Variants in ANKRD22 observed in about 807,000 individuals in gnomAD.
ANKRD22 encodes ankyrin repeat domain-containing protein 22.
Under a neutral mutation model 25.7 loss-of-function variants are expected in ANKRD22, and 24 were observed. That is an observed-to-expected ratio of 0.93 (90% CI 0.68 to 1.31). The LOEUF is 1.31. Ranked by LOEUF, ANKRD22 falls within the 50% of genes most tolerant of loss-of-function variation. ANKRD22 has a pLI of 0.00. For missense variants in ANKRD22, 214 were observed against 227.1 expected (o/e 0.94, Z 0.37); for synonymous variants, 84 against 84.3 (o/e 1.00, Z 0.02).
intron 1 of ANKRD22, among the ~76,000 whole-genome samples, chr10:88,849,940 C>G (rs1394655569): frequency 6.6e-6 from 1 of 151,630 alleles, no homozygotes; most frequent in African/African-American, 2.4e-5. Flanking sequence ...CTGCAAAGCT[C>G]TAAGGAAAAA....
chr10:88,842,617 G>T (rs1299099511), intron 1 of ANKRD22, among the ~76,000 whole-genome samples: 1 of 152,118 alleles, frequency 6.6e-6, no homozygotes, highest in Non-Finnish European at 1.5e-5. Context: ...GTACATAATA[G>T]CATTCATCAC....
At chr10:88,847,116 C>T (rs79033878) in intron 1 of ANKRD22, among the ~76,000 whole-genome samples, 4,009 of 152,240 alleles carry the variant, frequency 0.026, 120 homozygotes, top group East Asian at 0.17. Flanking sequence ...GATCCACTTT[C>T]TCAATACACA....
chr10:88,827,843 A>G (rs1171174508), intron 3 of ANKRD22, among the ~76,000 whole-genome samples: 1 of 152,240 alleles, frequency 6.6e-6, no homozygotes, highest in Non-Finnish European at 1.5e-5. Context: ...TAAATTATGC[A>G]TCTCTTGAGT....
intron 1 of ANKRD22, among the ~76,000 whole-genome samples, chr10:88,850,356 G>C (rs1298406883): frequency 1.3e-5 from 2 of 151,672 alleles, no homozygotes; most frequent in African/African-American, 4.8e-5. Flanking sequence ...GTCCCACCCA[G>C]GTCTACAAAC....
chr10:88,831,658 C>T (rs140340631), intron 2 of ANKRD22, among the ~76,000 whole-genome samples, 177 bp downstream of exon 2: 60 of 152,270 alleles, frequency 3.9e-4, no homozygotes, highest in African/African-American at 1.4e-3. Context: ...TTTTATTTTG[C>T]TGTTTAGCCT....
At position 88,842,867 on chromosome 10, in the gene ANKRD22, G is replaced by A. The variant is rs142594160; in HGVS notation, c.21+8720C>T. On this transcript the variant is annotated intron_variant, in intron 1 of 5. Coordinates refer to ENST00000371930, the MANE Select transcript of ANKRD22 (RefSeq NM_144590.3). ...GACATAGTGTTATGAATTGTTACTT[G>A]CCAATTCTTGCTTACAGGAAATTTT... Among the ~76,000 whole-genome samples, 932 of 152,178 alleles carry A rather than the reference G, an allele frequency of 6.1e-3. 10 individuals carry two copies. Among genetic ancestry groups the A allele is most frequent in the African/African-American group, 0.021 (860 of 41,528 alleles).
chr10:88,830,188 A>G (rs1589323959), intron 2 of ANKRD22, among the ~76,000 whole-genome samples: 1 of 152,206 alleles, frequency 6.6e-6, no homozygotes, highest in East Asian at 1.9e-4. Context: ...CTTTGCCTAC[A>G]TTTCTAAAAA....
chr10:88,831,770 T>C (rs1385132395), intron 2 of ANKRD22, 65 bp downstream of exon 2: 5 of 1,459,312 alleles, frequency 3.4e-6, no homozygotes, highest in Middle Eastern at 1.8e-4. Context: ...GCACCACTTC[T>C]AGTGATTCAA....
intron 1 of ANKRD22, among the ~76,000 whole-genome samples, chr10:88,838,358 A>T (rs148658148): frequency 1.3e-5 from 2 of 152,310 alleles, no homozygotes; most frequent in East Asian, 3.9e-4. Context: ...TTACCATTAA[A>T]TTCAGTCTTA....
In ANKRD22 at chr10:88,821,987, A is replaced by T. The variant is rs1843800874; in HGVS notation, c.*954T>A. ...AACTTTATCCAAATAAGTTACAATAATATTTTACATCTATCAATAAAATAA... is the reference window on the plus strand; with the variant it reads ...AACTTTATCCAAATAAGTTACAATATTATTTTACATCTATCAATAAAATAA... On this transcript the variant is annotated 3_prime_UTR_variant, in exon 6 of 6. Coordinates refer to ENST00000371930, the MANE Select transcript of ANKRD22 (RefSeq NM_144590.3). 6.6e-6 allele frequency: 1 copy of T among 152,238 alleles called. No homozygotes were observed. The highest frequency in any genetic ancestry group is 2.1e-4 in the South Asian group (1 of 4,836). The allele number at this position is 152,238 out of a possible 1,614,324, so 9.4% of individuals were successfully genotyped here.
At chr10:88,834,251 G>A (rs1461091541) in intron 1 of ANKRD22, among the ~76,000 whole-genome samples, 3 of 152,146 alleles carry the variant, frequency 2.0e-5, no homozygotes, top group Non-Finnish European at 4.4e-5. Context: ...TCAATTAAAT[G>A]TATTTAAAAC....
chr10:88,843,428 T>C (rs1291601544), intron 1 of ANKRD22, among the ~76,000 whole-genome samples: 2 of 152,148 alleles, frequency 1.3e-5, no homozygotes, highest in African/African-American at 2.4e-5. Context: ...CTTAAGCATG[T>C]TGGGAGAAAA....
intron 1 of ANKRD22, among the ~76,000 whole-genome samples, chr10:88,841,144 G>C (rs1038244828): frequency 6.6e-6 from 1 of 152,096 alleles, no homozygotes; most frequent in Non-Finnish European, 1.5e-5. Context: ...TCTGACTCCA[G>C]GACATCAGAA....
intron 1 of ANKRD22, among the ~76,000 whole-genome samples, chr10:88,834,808 T>C (rs1843937848): frequency 6.6e-6 from 1 of 152,096 alleles, no homozygotes; most frequent in Non-Finnish European, 1.5e-5. Flanking sequence ...CAGGGCATGG[T>C]GTCTGGTGCC....
intron 2 of ANKRD22, 84 bp from the exon 3 acceptor site, chr10:88,828,750 T>C (rs189293175): frequency 1.9e-6 from 2 of 1,034,628 alleles, no homozygotes; most frequent in Admixed American, 4.9e-5. Flanking sequence ...AAGTTTAGTT[T>C]GTGCTTTTTG....
At chr10:88,826,957 A>G (rs888097290) in intron 3 of ANKRD22, among the ~76,000 whole-genome samples, 4 of 152,242 alleles carry the variant, frequency 2.6e-5, no homozygotes, top group African/African-American at 9.6e-5. Context: ...CATACGTTAA[A>G]GAATTGAACA....
intron 1 of ANKRD22, among the ~76,000 whole-genome samples, chr10:88,833,559 G>A (rs1224003841): frequency 2.0e-5 from 3 of 152,132 alleles, no homozygotes; most frequent in Non-Finnish European, 4.4e-5. Context: ...TCAAGTGGGT[G>A]TATTTGCTAA....
intron 1 of ANKRD22, among the ~76,000 whole-genome samples, chr10:88,841,165 C>T (rs1452970396): frequency 5.3e-5 from 8 of 152,068 alleles, no homozygotes; most frequent in African/African-American, 1.9e-4. Context: ...ACTCTGAGGT[C>T]ATGAGGACCA....
intron 2 of ANKRD22, among the ~76,000 whole-genome samples, chr10:88,829,271 A>C (rs1293107044): frequency 6.6e-6 from 1 of 152,222 alleles, no homozygotes; most frequent in African/African-American, 2.4e-5. Context: ...TATAAGGCAA[A>C]ACAGAAGGTG....
Sources: gnomAD v4.1 joint callset for allele counts (sites outside exome capture counted in the v4.1 genomes callset) on GRCh38, gnomAD v4.1.1 for gene constraint, MANE v1.5 for transcripts, NCBI Gene and HGNC (gene_info 2026-07-23, HGNC 2026-07-21) for gene names.